The following SPECC1 variants were observed in gnomAD, a reference collection of about 807,000 sequenced individuals.
SPECC1 encodes the protein sperm antigen with calponin homology and coiled-coil domains 1.
Under a neutral mutation model 104.1 loss-of-function variants are expected in SPECC1, and 62 were observed. The observed-to-expected ratio is 0.60, with a 90% CI of 0.49 to 0.74. The LOEUF (loss-of-function observed/expected upper bound fraction) is 0.74, where lower values mean the gene tolerates loss of function less well. Ranked by LOEUF, SPECC1 falls within the 30% of genes least tolerant of loss-of-function variation. The pLI is 0.00. For synonymous variants in SPECC1, 513 were observed against 501.6 expected (o/e 1.02, Z -0.30); for missense variants, 1,306 against 1,310.5 (o/e 1.00, Z 0.05).
At chr17:20,303,901 C>G (rs1239265851) in intron 13 of SPECC1, among the ~76,000 whole-genome samples, 1 of 151,290 alleles carries the variant, frequency 6.6e-6, no homozygotes, top group Admixed American at 6.6e-5. Flanking sequence ...GGCAGTGAGC[C>G]GAGATCGTGC....
chr17:20,254,864 TTCCCCTC>T (rs2039766935), intron 10 of SPECC1, among the ~76,000 whole-genome samples: 1 of 152,224 alleles, frequency 6.6e-6, no homozygotes, highest in Non-Finnish European at 1.5e-5. Flanking sequence ...TGAGGGAACT[TTCCCCTC>T]TGAATCTTCT....
chr17:20,160,627 C>T (rs1032971541), intron 3 of SPECC1, among the ~76,000 whole-genome samples: 1 of 152,172 alleles, frequency 6.6e-6, no homozygotes, highest in African/African-American at 2.4e-5. Flanking sequence ...CACCTAGATT[C>T]TAAATTAATA....
At chr17:20,198,353 C>T (rs1045046591) in intron 3 of SPECC1, among the ~76,000 whole-genome samples, 3 of 152,104 alleles carry the variant, frequency 2.0e-5, no homozygotes, top group Non-Finnish European at 4.4e-5. Flanking sequence ...GTGGGGAAAG[C>T]GAAATGATCA....
intron 4 of SPECC1, among the ~76,000 whole-genome samples, chr17:20,206,494 G>C (rs2036789111): frequency 6.6e-6 from 1 of 151,936 alleles, no homozygotes; most frequent in Non-Finnish European, 1.5e-5. Context: ...TTTTGCATTT[G>C]ACATTTTAGA....
intron 3 of SPECC1, among the ~76,000 whole-genome samples, chr17:20,171,399 A>G (rs2034077879): frequency 6.6e-6 from 1 of 152,258 alleles, no homozygotes; most frequent in African/African-American, 2.4e-5. Context: ...CAGATCAATG[A>G]TGAAATTTTA....
chr17:20,090,033 C>T (rs745990743), intron 1 of SPECC1, among the ~76,000 whole-genome samples: 2 of 152,336 alleles, frequency 1.3e-5, no homozygotes, highest in Non-Finnish European at 2.9e-5. Context: ...GGCTTACCAA[C>T]AAGGAGAGGC....
intron 3 of SPECC1, among the ~76,000 whole-genome samples, chr17:20,142,468 C>A (rs115801062): frequency 1.3e-5 from 2 of 152,268 alleles, no homozygotes; most frequent in African/African-American, 4.8e-5. Flanking sequence ...TATATACATA[C>A]AACAGAATGT....
rs374038518 is a variant in SPECC1, at chr17:20,066,931, T to TTTTG, written c.-21-29700_-21-29699insTTTG. On this transcript the variant is annotated intron_variant, in intron 1 of 14. Coordinates refer to ENST00000395527, the MANE Select transcript of SPECC1 (RefSeq NM_001243439.2). ...ATCAAATTTTTTTTTTTTTTTTTTT[T>TTTTG]GGTAGAGATAAGGGCTTTTATGTTG... Among the ~76,000 whole-genome samples the TTTTG allele has an allele frequency of 3.6e-3, 528 of 147,864 alleles. 3 individuals are homozygous for TTTTG. The highest frequency in any genetic ancestry group is 0.012 in the African/African-American group (490 of 39,338).
At chr17:20,141,072 C>G (rs997991817) in intron 3 of SPECC1, among the ~76,000 whole-genome samples, 4 of 152,224 alleles carry the variant, frequency 2.6e-5, no homozygotes, top group African/African-American at 4.8e-5. Context: ...CTGCTGCCCC[C>G]TTCTCTCCTC....
At chr17:20,219,240 A>G (rs1311765413) in intron 4 of SPECC1, among the ~76,000 whole-genome samples, 1 of 152,154 alleles carries the variant, frequency 6.6e-6, no homozygotes, top group Non-Finnish European at 1.5e-5. Context: ...TGTTTTCCAT[A>G]GTGGCTGTAC....
At chr17:20,155,960 T>A in intron 3 of SPECC1, 1 of 1,247,780 alleles carries the variant, frequency 8.0e-7, no homozygotes, top group Non-Finnish European at 1.0e-6. Flanking sequence ...AGGATGCAGA[T>A]GAAGGGGGCG....
Position 20,318,208 on chromosome 17 carries a change from T to C in SPECC1, c.*4143T>C, listed in dbSNP as rs1006171208. On this transcript the variant is annotated 3_prime_UTR_variant, in exon 15 of 15. Coordinates refer to ENST00000395527, the MANE Select transcript of SPECC1 (RefSeq NM_001243439.2). Reference sequence around the variant, plus strand: ...CTGCAAAATGCAAGCCCCAGTAGAGTTGGAGAGTTTTTCAAGGTGAGAAGT... The same window carrying C: ...CTGCAAAATGCAAGCCCCAGTAGAGCTGGAGAGTTTTTCAAGGTGAGAAGT... 4.3e-6 allele frequency: 1 copy of C among 231,434 alleles called. No individual in the cohort carries two copies. The highest frequency in any genetic ancestry group is 8.5e-6 in the Non-Finnish European group (1 of 117,054). The allele number at this position is 231,434 out of a possible 1,614,324, so 14.3% of individuals were successfully genotyped here. A position where few individuals can be genotyped will look rare whatever the true frequency, so the allele number is the denominator to read the frequency against.
At chr17:20,217,685 A>G (rs542750789) in intron 4 of SPECC1, among the ~76,000 whole-genome samples, 8 of 152,280 alleles carry the variant, frequency 5.3e-5, no homozygotes, top group South Asian at 2.1e-4. Context: ...GCCACCTTCT[A>G]TTGCTGCTTT....
At chr17:20,249,680 G>A (rs919358473) in intron 9 of SPECC1, among the ~76,000 whole-genome samples, 3 of 152,112 alleles carry the variant, frequency 2.0e-5, no homozygotes, top group Admixed American at 2.0e-4. Flanking sequence ...CTGAATTAAA[G>A]ACTCAATAAA....
At chr17:20,313,128 CT>C (rs1373873842) in intron 14 of SPECC1, among the ~76,000 whole-genome samples, 1 of 152,180 alleles carries the variant, frequency 6.6e-6, no homozygotes, top group Non-Finnish European at 1.5e-5. Flanking sequence ...CCCTCCCTTT[CT>C]GGCCTGGATG....
chr17:20,156,718 G>A (rs559178268), intron 3 of SPECC1, among the ~76,000 whole-genome samples: 1 of 152,312 alleles, frequency 6.6e-6, no homozygotes, highest in African/African-American at 2.4e-5. Flanking sequence ...TGCTTGTTCT[G>A]GGGTGTCGGG....
intron 1 of SPECC1, among the ~76,000 whole-genome samples, chr17:20,072,982 G>A (rs897219581): frequency 6.6e-6 from 1 of 152,130 alleles, no homozygotes; most frequent in African/African-American, 2.4e-5. Flanking sequence ...TAGGCCATCC[G>A]TAGTAGCAGG....
intron 3 of SPECC1, chr17:20,156,079 TTGA>T: frequency 1.5e-6 from 2 of 1,325,944 alleles, no homozygotes; most frequent in African/African-American, 3.1e-5. Context: ...GGTCCTTTCT[TTGA>T]CTGGAGCGGA....
chr17:20,093,950 C>T (rs910461302), intron 1 of SPECC1, among the ~76,000 whole-genome samples: 1 of 151,740 alleles, frequency 6.6e-6, no homozygotes, highest in East Asian at 1.9e-4. Context: ...AGGCTGGTCT[C>T]GAACTCCTGA....
Sources: gnomAD v4.1 joint callset for allele counts (sites outside exome capture counted in the v4.1 genomes callset) on GRCh38, gnomAD v4.1.1 for gene constraint, MANE v1.5 for transcripts, NCBI Gene and HGNC (gene_info 2026-07-23, HGNC 2026-07-21) for gene names.